Variants in GRK5 observed in about 807,000 individuals in gnomAD.
GRK5 encodes the protein G protein-coupled receptor kinase 5.
In GRK5, 40 loss-of-function variants were observed where a neutral mutation model predicts 78.4. The ratio of observed to expected loss-of-function variants is 0.51; its 90% CI spans 0.40 to 0.66. The LOEUF (loss-of-function observed/expected upper bound fraction) is 0.66, where lower values mean the gene tolerates loss of function less well. Ranked by LOEUF, GRK5 falls within the 30% of genes least tolerant of loss-of-function variation. The probability of loss-of-function intolerance (pLI) is 0.00; values close to 1 mark genes in which losing one functional copy is unlikely to be tolerated. For synonymous variants in GRK5, 289 were observed against 296.8 expected (o/e 0.97, Z 0.27); for missense variants, 598 against 759.9 (o/e 0.79, Z 2.50).
At chr10:119,317,273 C>T (rs184577654) in intron 1 of GRK5, among the ~76,000 whole-genome samples, 7 of 152,136 alleles carry the variant, frequency 4.6e-5, no homozygotes, top group African/African-American at 1.7e-4. Context: ...CCAGGGATGA[C>T]TCTCTTTTCT....
chr10:119,323,554 C>T lies in GRK5; in HGVS notation c.53-2962C>T, dbSNP rs570669358. On this transcript the variant is annotated intron_variant, in intron 1 of 15. Transcript: ENST00000392870. ...CTCTAGGCTGCCTGAATGAGGGCTG[C>T]GGCTAGATGAGGATTGGCTTGTCTG... Among the ~76,000 whole-genome samples, 57 of 152,244 alleles carry T rather than the reference C, an allele frequency of 3.7e-4. 1 individual carries two copies. Among genetic ancestry groups the T allele is most frequent in the South Asian group, 8.3e-4 (4 of 4,822 alleles).
chr10:119,299,419 C>G (rs1375345888), intron 1 of GRK5, among the ~76,000 whole-genome samples: 6 of 142,972 alleles, frequency 4.2e-5, no homozygotes, highest in Admixed American at 3.6e-4. Context: ...GGTGATGGAG[C>G]AAGACTCCAG....
At chr10:119,403,747 C>T (rs1852189469) in intron 4 of GRK5, among the ~76,000 whole-genome samples, 1 of 152,094 alleles carries the variant, frequency 6.6e-6, no homozygotes, top group Non-Finnish European at 1.5e-5. Context: ...GATCCTCCTG[C>T]CACCGCCTCC....
intron 2 of GRK5, among the ~76,000 whole-genome samples, chr10:119,350,302 G>A (rs965918524): frequency 6.6e-6 from 1 of 152,370 alleles, no homozygotes; most frequent in Admixed American, 6.5e-5. Flanking sequence ...GGAGGGAGAG[G>A]TGGTGGGAGA....
At chr10:119,439,307 T>C (rs1300311380) in intron 9 of GRK5, among the ~76,000 whole-genome samples, 1 of 152,256 alleles carries the variant, frequency 6.6e-6, no homozygotes, top group East Asian at 1.9e-4. Context: ...GTCTTTTTCC[T>C]GTGTCCCCAC....
At chr10:119,282,370 C>T (rs1289865416) in intron 1 of GRK5, among the ~76,000 whole-genome samples, 1 of 152,210 alleles carries the variant, frequency 6.6e-6, no homozygotes, top group Non-Finnish European at 1.5e-5. Context: ...ATGGGAGACA[C>T]TTCTCTGGCC....
intron 2 of GRK5, among the ~76,000 whole-genome samples, chr10:119,355,413 A>G (rs1851249405): frequency 6.6e-6 from 1 of 152,230 alleles, no homozygotes; most frequent in Admixed American, 6.5e-5. Context: ...GTATATATCC[A>G]AAGAGGGCTT....
chr10:119,330,023 C>T (rs565157459), intron 2 of GRK5, among the ~76,000 whole-genome samples: 54 of 151,758 alleles, frequency 3.6e-4, no homozygotes, highest in Non-Finnish European at 7.4e-4. Context: ...CCATCACGCC[C>T]AGCTAATTTT....
intron 2 of GRK5, among the ~76,000 whole-genome samples, chr10:119,373,880 T>G (rs1450999846): frequency 2.0e-5 from 3 of 152,172 alleles, no homozygotes; most frequent in African/African-American, 4.8e-5. Flanking sequence ...CGAGTGTGCC[T>G]GCGTAGTCTG....
intron 4 of GRK5, among the ~76,000 whole-genome samples, chr10:119,416,662 C>T (rs1030101498): frequency 1.6e-4 from 25 of 152,064 alleles, no homozygotes; most frequent in Non-Finnish European, 2.9e-5. Flanking sequence ...TCAGTGATCT[C>T]GGCTCACTGC....
intron 2 of GRK5, among the ~76,000 whole-genome samples, chr10:119,353,185 G>A (rs1851212377): frequency 6.6e-6 from 1 of 152,116 alleles, no homozygotes; most frequent in Non-Finnish European, 1.5e-5. Context: ...TTGGGAATTG[G>A]GATGCTAGAC....
chr10:119,358,972 C>A (rs1339622490), intron 2 of GRK5, among the ~76,000 whole-genome samples: 2 of 152,150 alleles, frequency 1.3e-5, no homozygotes, highest in Non-Finnish European at 2.9e-5. Flanking sequence ...AGGGCCCCAC[C>A]CTGAAGAATT....
At chr10:119,272,280 A>G (rs1260078367) in intron 1 of GRK5, among the ~76,000 whole-genome samples, 1 of 152,164 alleles carries the variant, frequency 6.6e-6, no homozygotes, top group African/African-American at 2.4e-5. Flanking sequence ...CTCATGTGTA[A>G]AGCTGAGTGC....
rs745593901 is a variant in GRK5, at chr10:119,426,159, G to A, written c.533+1074G>A. Among the ~76,000 whole-genome samples the A allele has an allele frequency of 2.1e-4, 32 of 152,214 alleles. 1 individual carries two copies. Among genetic ancestry groups the A allele is most frequent in the Non-Finnish European group, 3.8e-4 (26 of 68,028 alleles). ...AGCCCCACAGCTGGCTGTGTCCCCC[G>A]TAGACACTCAGGAAGCTGCAGGCCA... is the stretch of plus-strand genomic sequence containing the variant. On this transcript the variant is annotated intron_variant, in intron 6 of 15. Coordinates refer to ENST00000392870, the MANE Select transcript of GRK5 (RefSeq NM_005308.3).
intron 2 of GRK5, among the ~76,000 whole-genome samples, chr10:119,339,372 C>T (rs1291839507): frequency 2.0e-5 from 3 of 152,202 alleles, no homozygotes; most frequent in African/African-American, 7.2e-5. Context: ...TGCCTAGACT[C>T]TGTTTACGGA....
intron 3 of GRK5, among the ~76,000 whole-genome samples, chr10:119,394,260 C>CTG (rs796762407): frequency 2.0e-4 from 1 of 4,984 alleles, no homozygotes; most frequent in Non-Finnish European, 3.6e-4. Context: ...GTGGATGTAT[C>CTG]TGTGTGTGTG....
chr10:119,245,549 C>T (rs1849093621), intron 1 of GRK5, among the ~76,000 whole-genome samples: 1 of 152,090 alleles, frequency 6.6e-6, no homozygotes, highest in African/African-American at 2.4e-5. Flanking sequence ...TGCACAATTC[C>T]ATTCATATGA....
chr10:119,446,635 A>C (rs967319829), intron 12 of GRK5, among the ~76,000 whole-genome samples: 1 of 152,172 alleles, frequency 6.6e-6, no homozygotes, highest in African/African-American at 2.4e-5. Context: ...CCCCAGAGAG[A>C]GAAGCAGAGG....
intron 3 of GRK5, among the ~76,000 whole-genome samples, chr10:119,383,566 C>G (rs1184610564): frequency 1.3e-5 from 2 of 152,226 alleles, no homozygotes; most frequent in Non-Finnish European, 2.9e-5. Flanking sequence ...ATTAATGTTT[C>G]TAAAATACCA....
Sources: allele counts gnomAD v4.1 joint callset (sites outside exome capture counted in the v4.1 genomes callset), GRCh38; gene constraint gnomAD v4.1.1; transcripts MANE v1.5; gene names NCBI Gene and HGNC (gene_info 2026-07-23, HGNC 2026-07-21).